Variants in DCBLD2 observed in about 807,000 individuals in gnomAD.
The protein encoded by DCBLD2 is discoidin, CUB and LCCL domain-containing protein 2.
DCBLD2 carries 54 observed loss-of-function variants against 86.8 expected under a neutral mutation model. The observed-to-expected ratio is 0.62, with a 90% CI of 0.50 to 0.78. DCBLD2 has a LOEUF of 0.78. Among genes scored for constraint, DCBLD2 ranks in the 30% least tolerant of loss-of-function variants. The pLI is 0.00. For synonymous variants in DCBLD2, 354 were observed against 341.3 expected, an observed-to-expected ratio of 1.04 and a Z score of -0.41; for missense variants, 908 against 954.2, an observed-to-expected ratio of 0.95 and a Z score of 0.64.
rs766679590 is a variant in DCBLD2 at position 98,819,395 on chromosome 3, C to T, written c.894G>A (p.Met298Ile). Residue 298 changes from methionine (M) to isoleucine (I), a missense_variant, in exon 8 of 16, where the codon ATG becomes ATA. Met to Ile is a conservative substitution (Grantham distance 10). This residue lies in a region of DCBLD2 where 606 missense variants were observed against 678.5 expected (regional missense o/e 0.89). Transcript: ENST00000326840. Reference protein sequence around the residue: ...KTSGCYGTLGMESGVIADPQI... With the variant: ...KTSGCYGTLGIESGVIADPQI... ...GAGGATCCGCGATCACACCAGACTC[C>T]ATCCCCAGTGTTCCATAACATCCTG... The T allele has an allele frequency of 2.9e-5, 47 of 1,613,658 alleles. No individual in the cohort carries two copies. In the South Asian group the frequency reaches 5.1e-4, roughly 17 times the overall value.
At chr3:98,838,716 A>G (rs1023239083) in intron 3 of DCBLD2, among the ~76,000 whole-genome samples, 1 of 152,104 alleles carries the variant, frequency 6.6e-6, no homozygotes, top group Non-Finnish European at 1.5e-5. Flanking sequence ...TGTAGGTTGT[A>G]GCGAGCCAAG....
intron 3 of DCBLD2, among the ~76,000 whole-genome samples, chr3:98,839,025 C>CTGGGGAGA (rs1559781262): frequency 1.3e-5 from 2 of 149,698 alleles, no homozygotes; most frequent in African/African-American, 5.0e-5. Context: ...GGGAGACCGT[C>CTGGGGAGA]GGGAGAGGGA....
rs1242175515 is a variant in DCBLD2, at chr3:98,798,586, TGAG to T, written c.*783_*785del. ...CATAAAGTTGTTCCTGTTTACACAT[TGAG>T]GAGCATACTTAAAGGACATGAAGGG... is the stretch of plus-strand genomic sequence containing the variant. On this transcript the variant is annotated 3_prime_UTR_variant, in exon 16 of 16. Transcript: ENST00000326840. 6.6e-6 allele frequency: 1 copy of T among 152,156 alleles called. No individual in the cohort carries two copies. Among genetic ancestry groups the T allele is most frequent in the East Asian group, 1.9e-4 (1 of 5,196 alleles). 9.4% of individuals were successfully genotyped at this position (152,156 alleles called of 1,614,324 possible).
At position 98,800,605 on chromosome 3, in the gene DCBLD2, G is replaced by A; in HGVS notation, c.1832C>T (p.Thr611Ile). The change falls in exon 15 of 16, where the codon ACC becomes ATC. Residue 611 changes from threonine (T) to isoleucine (I), a missense_variant. Transcript: ENST00000326840. ...EVNHLSPREVTTVLQADSAEY... is the reference protein window; with the variant it reads ...EVNHLSPREVITVLQADSAEY... ...TGCAGAGTCAGCCTGCAGCACTGTGGTGACTTCTCTTGGACTCAGGTGATT... is the reference window on the plus strand; with the variant it reads ...TGCAGAGTCAGCCTGCAGCACTGTGATGACTTCTCTTGGACTCAGGTGATT... 1 of 1,613,866 alleles carries A rather than the reference G, an allele frequency of 6.2e-7. No homozygotes were observed. Among genetic ancestry groups the A allele is most frequent in the South Asian group, 1.1e-5 (1 of 91,048 alleles).
intron 2 of DCBLD2, among the ~76,000 whole-genome samples, chr3:98,849,960 T>G (rs1224327523): frequency 6.6e-6 from 1 of 152,196 alleles, no homozygotes; most frequent in African/African-American, 2.4e-5. Flanking sequence ...ATTAGTAGTA[T>G]TCTTAAAGTG....
intron 8 of DCBLD2, 60 bp from the exon 9 acceptor site, chr3:98,817,953 G>T: frequency 6.3e-7 from 1 of 1,584,480 alleles, no homozygotes. Flanking sequence ...AGTTTGTTCA[G>T]CATCAAAGTA....
intron 3 of DCBLD2, among the ~76,000 whole-genome samples, chr3:98,835,018 G>A (rs1311496798): frequency 3.4e-5 from 5 of 148,488 alleles, no homozygotes; most frequent in Non-Finnish European, 7.5e-5. Flanking sequence ...TGTCATCCAG[G>A]CTAGAGTGCA....
At chr3:98,867,751 C>G (rs1274857421) in intron 2 of DCBLD2, among the ~76,000 whole-genome samples, 1 of 130,294 alleles carries the variant, frequency 7.7e-6, no homozygotes, top group Non-Finnish European at 1.7e-5. Flanking sequence ...GTAAGGGAAT[C>G]ATGGAAAAGC....
rs1345789727 is a variant in DCBLD2, at chr3:98,833,036, G to C, written c.572-7670C>G. On this transcript the variant is annotated intron_variant, in intron 3 of 15. Transcript: ENST00000326840. ...CTGAAATATGTTTTCCAAGTTGTTT[G>C]CTTTCTCCCCATCCAATTCAGGGAT... Among the ~76,000 whole-genome samples the C allele has an allele frequency of 6.6e-5, 10 of 152,152 alleles. No individual in the cohort carries two copies. The East Asian group carries it at 9.6e-4, about 15-fold the overall frequency.
intron 3 of DCBLD2, among the ~76,000 whole-genome samples, chr3:98,838,311 G>A (rs1942523789): frequency 1.1e-5 from 1 of 90,354 alleles, no homozygotes; most frequent in Non-Finnish European, 2.4e-5. Context: ...CCAGGCAGAG[G>A]GTCTCCTCAC....
At chr3:98,838,039 CG>C (rs1228222442) in intron 3 of DCBLD2, among the ~76,000 whole-genome samples, 1 of 110,072 alleles carries the variant, frequency 9.1e-6, no homozygotes. Flanking sequence ...GCTGGCCGGG[CG>C]GGGGGCTGAC....
chr3:98,860,764 A>G (rs1943026597), intron 2 of DCBLD2, among the ~76,000 whole-genome samples: 1 of 152,238 alleles, frequency 6.6e-6, no homozygotes, highest in African/African-American at 2.4e-5. Context: ...CAGCCACTGC[A>G]AAAACATGAC....
intron 2 of DCBLD2, among the ~76,000 whole-genome samples, chr3:98,852,537 G>A (rs1307665578): frequency 3.3e-5 from 5 of 152,166 alleles, no homozygotes; most frequent in African/African-American, 7.2e-5. Flanking sequence ...GTGAGCCACC[G>A]CACCCAGCCT....
At chr3:98,867,909 T>C (rs1261683499) in intron 2 of DCBLD2, among the ~76,000 whole-genome samples, 1 of 152,052 alleles carries the variant, frequency 6.6e-6, no homozygotes, top group Non-Finnish European at 1.5e-5. Context: ...TTCATGCCAT[T>C]CTCCTGCCTC....
At chr3:98,831,805 AGT>A (rs1223431619) in intron 3 of DCBLD2, among the ~76,000 whole-genome samples, 3 of 151,736 alleles carry the variant, frequency 2.0e-5, no homozygotes, top group African/African-American at 7.3e-5. Flanking sequence ...GTGGTCTGAG[AGT>A]GTGTCTGGTA....
intron 2 of DCBLD2, among the ~76,000 whole-genome samples, chr3:98,879,148 A>C (rs192042160): frequency 7.4e-4 from 112 of 152,324 alleles, no homozygotes; most frequent in Middle Eastern, 3.4e-3. Context: ...AAAATTACAC[A>C]AAAGTAGAAA....
At chr3:98,834,072 CCT>C (rs1942374627) in intron 3 of DCBLD2, among the ~76,000 whole-genome samples, 1 of 151,702 alleles carries the variant, frequency 6.6e-6, no homozygotes, top group Non-Finnish European at 1.5e-5. Flanking sequence ...CTCCTCTGGC[CCT>C]GTGTCGTTCC....
chr3:98,831,469 G>A (rs755157959), intron 3 of DCBLD2, among the ~76,000 whole-genome samples: 7 of 152,052 alleles, frequency 4.6e-5, no homozygotes, highest in Non-Finnish European at 7.3e-5. Flanking sequence ...TTCAGGTTGA[G>A]CTCTGATTTT....
intron 3 of DCBLD2, among the ~76,000 whole-genome samples, chr3:98,842,738 C>T (rs892878403): frequency 6.6e-6 from 1 of 152,202 alleles, no homozygotes; most frequent in African/African-American, 2.4e-5. Flanking sequence ...ACGCTATAAG[C>T]TACACATGGT....
Sources: gnomAD v4.1 joint callset for allele counts (sites outside exome capture counted in the v4.1 genomes callset) on GRCh38, gnomAD v4.1.1 for gene constraint, gnomAD v4.1.1 regional missense constraint, MANE v1.5 for transcripts, NCBI Gene and HGNC (gene_info 2026-07-23, HGNC 2026-07-21) for gene names.